Variants in EBF2 observed in about 807,000 individuals in gnomAD.
EBF2 encodes EBF transcription factor 2.
In EBF2, 21 loss-of-function variants were observed where a neutral mutation model predicts 72.8. That is an observed-to-expected ratio of 0.29 (90% confidence interval 0.20 to 0.42). EBF2 has a LOEUF of 0.42. Ranked by LOEUF, EBF2 falls within the 10% of genes least tolerant of loss-of-function variation. EBF2 has a pLI of 1.00. For synonymous variants in EBF2, 299 were observed against 274.2 expected (o/e 1.09, Z -0.89); for missense variants, 637 against 731.2 (o/e 0.87, Z 1.49).
At chr8:26,030,988 G>T (rs556809464) in intron 6 of EBF2, among the ~76,000 whole-genome samples, 1 of 152,208 alleles carries the variant, frequency 6.6e-6, no homozygotes, top group Non-Finnish European at 1.5e-5. Context: ...CTTTATCGGT[G>T]AATGCAGTGA....
At chr8:26,032,827 C>A (rs1805431660) in intron 6 of EBF2, 1 of 489,404 alleles carries the variant, frequency 2.0e-6, no homozygotes, top group East Asian at 3.5e-5. Context: ...ATATCCTGCA[C>A]CACACATACT....
intron 6 of EBF2, among the ~76,000 whole-genome samples, chr8:25,982,310 G>A (rs1232860716): frequency 6.6e-6 from 1 of 152,226 alleles, no homozygotes; most frequent in Non-Finnish European, 1.5e-5. Context: ...ACACTGAACT[G>A]CTGATTCTCC....
intron 10 of EBF2, among the ~76,000 whole-genome samples, chr8:25,877,961 G>A (rs1327961113): frequency 6.6e-6 from 1 of 152,174 alleles, no homozygotes; most frequent in Non-Finnish European, 1.5e-5. Context: ...ATGGTGCCAA[G>A]CATAATTCTT....
chr8:25,850,774 T>C lies in EBF2; in HGVS notation c.1529-13A>G. On this transcript the variant is annotated splice_polypyrimidine_tract_variant and intron_variant, in intron 14 of 15. Transcript: ENST00000520164. Reference sequence around the variant, plus strand: ...CTTGATGACATGACTGGAAAGCAAATGCACAATCCTCATTTAGAAATTAAG... The same window carrying C: ...CTTGATGACATGACTGGAAAGCAAACGCACAATCCTCATTTAGAAATTAAG... The C allele has an allele frequency of 1.3e-6, 2 of 1,550,640 alleles. No homozygotes were observed. Among genetic ancestry groups the C allele is most frequent in the Non-Finnish European group, 1.7e-6 (2 of 1,157,428 alleles).
chr8:26,010,014 G>A (rs1047539749), intron 6 of EBF2, among the ~76,000 whole-genome samples: 1 of 152,294 alleles, frequency 6.6e-6, no homozygotes, highest in Admixed American at 6.5e-5. Flanking sequence ...TGCCTACCCA[G>A]GAAGGGAAGA....
chr8:25,918,126 T>G (rs1803255146), intron 6 of EBF2, among the ~76,000 whole-genome samples: 1 of 152,188 alleles, frequency 6.6e-6, no homozygotes, highest in South Asian at 2.1e-4. Flanking sequence ...TCATGCAATG[T>G]TGGAGAAAGT....
At chr8:26,035,389 A>T (rs1262197471) in intron 5 of EBF2, among the ~76,000 whole-genome samples, 1 of 152,144 alleles carries the variant, frequency 6.6e-6, no homozygotes, top group East Asian at 1.9e-4. Context: ...GGCTCAAGCC[A>T]TCTGCCCACA....
At chr8:25,854,253 A>AAT (rs55739831) in intron 14 of EBF2, among the ~76,000 whole-genome samples, 2 of 150,642 alleles carry the variant, frequency 1.3e-5, no homozygotes. Flanking sequence ...AAAAAAAAAA[A>AAT]GCAAGAGATG....
Position 25,874,991 on chromosome 8 carries a change from C to A in EBF2, c.1009+11764G>T, listed in dbSNP as rs950490480. ...GGGAACCATGGTGCCTGGCTTCTAC[C>A]TTTTAATACCTGCTTCCTTGTGACC... On this transcript the variant is annotated intron_variant, in intron 10 of 15. Transcript: ENST00000520164. Among the ~76,000 whole-genome samples, 5 of 151,776 alleles carry A rather than the reference C, an allele frequency of 3.3e-5. No individual in the cohort carries two copies. The South Asian group carries it at 8.3e-4, about 25-fold the overall frequency.
At chr8:26,023,647 C>T (rs1485625149) in intron 6 of EBF2, among the ~76,000 whole-genome samples, 1 of 152,140 alleles carries the variant, frequency 6.6e-6, no homozygotes, top group Non-Finnish European at 1.5e-5. Flanking sequence ...ATCCAGGCTA[C>T]TAAAAAATTC....
At chr8:26,018,437 G>C (rs1485769483) in intron 6 of EBF2, among the ~76,000 whole-genome samples, 1 of 146,694 alleles carries the variant, frequency 6.8e-6, no homozygotes, top group Non-Finnish European at 1.5e-5. Flanking sequence ...TGGATCACGA[G>C]GTCAGGAGAT....
chr8:25,865,824 G>C (rs1172525216), intron 10 of EBF2, among the ~76,000 whole-genome samples: 1 of 151,690 alleles, frequency 6.6e-6, no homozygotes, highest in Non-Finnish European at 1.5e-5. Flanking sequence ...AGGAGATCGA[G>C]ACTATCCTGG....
At chr8:25,847,856 AT>A (rs1407513035) in intron 15 of EBF2, among the ~76,000 whole-genome samples, 2 of 151,966 alleles carry the variant, frequency 1.3e-5, no homozygotes, top group East Asian at 1.9e-4. Context: ...AGGTAGTTCT[AT>A]TTTTTTCCTC....
chr8:25,926,717 T>C (rs1043337912), intron 6 of EBF2, among the ~76,000 whole-genome samples: 8 of 152,190 alleles, frequency 5.3e-5, no homozygotes, highest in African/African-American at 1.7e-4. Flanking sequence ...CCAGGCTCTT[T>C]CCTAAGAGAT....
intron 6 of EBF2, among the ~76,000 whole-genome samples, chr8:25,979,621 A>C (rs1400578234): frequency 6.6e-6 from 1 of 152,090 alleles, no homozygotes; most frequent in East Asian, 1.9e-4. Flanking sequence ...TCCAAACCAA[A>C]CTAATTCCAA....
At chr8:25,986,249 T>G (rs1272457714) in intron 6 of EBF2, among the ~76,000 whole-genome samples, 2 of 152,118 alleles carry the variant, frequency 1.3e-5, no homozygotes, top group Non-Finnish European at 2.9e-5. Context: ...CCACCTAGAA[T>G]GCCCTCCACC....
At chr8:25,989,908 A>G (rs908898012) in intron 6 of EBF2, among the ~76,000 whole-genome samples, 1 of 152,148 alleles carries the variant, frequency 6.6e-6, no homozygotes, top group Non-Finnish European at 1.5e-5. Context: ...CCTCTCTACC[A>G]GTTCACTTGG....
chr8:25,921,181 T>C (rs1293594985), intron 6 of EBF2, among the ~76,000 whole-genome samples: 1 of 152,212 alleles, frequency 6.6e-6, no homozygotes, highest in African/African-American at 2.4e-5. Flanking sequence ...TTAGCCACTT[T>C]CAGATGCATT....
At chr8:25,907,419 CAAAAAAAAAAAAAAA>C (rs55695734) in intron 7 of EBF2, among the ~76,000 whole-genome samples, 15 of 28,874 alleles carry the variant, frequency 5.2e-4, no homozygotes, top group South Asian at 3.2e-3. Flanking sequence ...GACCCTGCCT[CAAAAAAAAAAAAAAA>C]AAAAAAAAAA....
Sources: allele counts gnomAD v4.1 joint callset (sites outside exome capture counted in the v4.1 genomes callset), GRCh38; gene constraint gnomAD v4.1.1; transcripts MANE v1.5; gene names NCBI Gene and HGNC (gene_info 2026-07-23, HGNC 2026-07-21).